The following THSD7B variants were observed in gnomAD, a reference collection of about 807,000 sequenced individuals.
THSD7B encodes thrombospondin type-1 domain-containing protein 7B.
A neutral mutation model predicts 213.6 loss-of-function variants in THSD7B; 138 were observed. The ratio of observed to expected loss-of-function variants is 0.65; its 90% CI spans 0.56 to 0.74. THSD7B has a LOEUF of 0.74. Ranked by LOEUF, THSD7B falls within the 30% of genes least tolerant of loss-of-function variation. The pLI, the probability that THSD7B is intolerant of heterozygous loss-of-function variation, is 0.00. For synonymous variants in THSD7B, 742 were observed against 687.0 expected (o/e 1.08, Z -1.25); for missense variants, 1,931 against 1,991.5 (o/e 0.97, Z 0.58).
intron 1 of THSD7B, among the ~76,000 whole-genome samples, chr2:136,838,786 A>G (rs1051445827): frequency 2.0e-5 from 3 of 152,054 alleles, no homozygotes; most frequent in Admixed American, 6.5e-5. Context: ...CCTGATTTGC[A>G]TGTGCTTTGG....
chr2:137,470,279 T>C (rs1386388109), intron 15 of THSD7B, among the ~76,000 whole-genome samples: 1 of 152,204 alleles, frequency 6.6e-6, no homozygotes, highest in East Asian at 1.9e-4. Flanking sequence ...GTTTAATCTC[T>C]TCACAGACCA....
rs375322872 is a variant in THSD7B, at chr2:137,631,047, T to C, written c.3799+10321T>C. ...AACGATCTGAGGGGAAGTTTTGAAA[T>C]GAGCTCTTACTTTATCTTCCAAGTG... is the stretch of plus-strand genomic sequence containing the variant. On this transcript the variant is annotated intron_variant, in intron 20 of 27. Transcript: ENST00000409968. Among the ~76,000 whole-genome samples, 82 of 152,346 alleles carry C rather than the reference T, an allele frequency of 5.4e-4. 2 individuals carry two copies. In the East Asian group the frequency reaches 0.01, roughly 19 times the overall value.
At chr2:136,848,001 G>C (rs1340982943) in intron 1 of THSD7B, among the ~76,000 whole-genome samples, 1 of 152,168 alleles carries the variant, frequency 6.6e-6, no homozygotes, top group Non-Finnish European at 1.5e-5. Context: ...CACTGTGGGG[G>C]TGGAAGGGAC....
intron 1 of THSD7B, among the ~76,000 whole-genome samples, chr2:136,819,568 C>T (rs1682536875): frequency 6.6e-6 from 1 of 152,150 alleles, no homozygotes; most frequent in Non-Finnish European, 1.5e-5. Flanking sequence ...CACTCACTCT[C>T]CCTGGGAAGA....
chr2:136,917,051 T>A (rs925221371), intron 2 of THSD7B, among the ~76,000 whole-genome samples: 1 of 152,234 alleles, frequency 6.6e-6, no homozygotes, highest in African/African-American at 2.4e-5. Flanking sequence ...ACTGGTTTTA[T>A]CAGTCTCATA....
rs866224698 is a variant in THSD7B, at chr2:137,472,455, G to A, written c.3138+21432G>A. On this transcript the variant is annotated intron_variant, in intron 15 of 27. Transcript: ENST00000409968. ...TATTTAAAATAGTTAAAACTAAATT[G>A]TACCTTTATGAAAAATAACTATGTA... Among the ~76,000 whole-genome samples the A allele has an allele frequency of 2.4e-4, 36 of 152,192 alleles. 1 individual carries two copies. In the Middle Eastern group the frequency reaches 0.021, roughly 87 times the overall value.
At chr2:137,285,820 A>G (rs1683159219) in intron 12 of THSD7B, among the ~76,000 whole-genome samples, 1 of 152,014 alleles carries the variant, frequency 6.6e-6, no homozygotes, top group Admixed American at 6.6e-5. Context: ...GAATTGATTT[A>G]TGGCTGGGCG....
intron 15 of THSD7B, among the ~76,000 whole-genome samples, chr2:137,503,335 G>T (rs1279965319): frequency 6.6e-6 from 1 of 152,038 alleles, no homozygotes. Flanking sequence ...TCACAAAAAA[G>T]TCTCCTTTTC....
chr2:136,985,747 G>A (rs1685661249), intron 2 of THSD7B, among the ~76,000 whole-genome samples: 1 of 152,184 alleles, frequency 6.6e-6, no homozygotes, highest in South Asian at 2.1e-4. Flanking sequence ...CCAGACCTGA[G>A]AATTATGTAG....
intron 7 of THSD7B, among the ~76,000 whole-genome samples, chr2:137,183,004 T>C (rs1014317037): frequency 1.3e-5 from 2 of 152,180 alleles, no homozygotes; most frequent in African/African-American, 4.8e-5. Context: ...ATTATAATTA[T>C]CTTTCATTTT....
chr2:137,676,618 A>T lies in THSD7B; in HGVS notation c.*13A>T, dbSNP rs1156309355. 1 of 1,553,338 alleles carries T rather than the reference A, an allele frequency of 6.4e-7. No homozygotes were observed. The highest frequency in any genetic ancestry group is 1.2e-5 in the South Asian group (1 of 82,020). ...CTTAGACATGTAATCTGAAAAAGAAATCCAAATGTAGACATCAACTGCCTT... is the reference window on the plus strand; with the variant it reads ...CTTAGACATGTAATCTGAAAAAGAATTCCAAATGTAGACATCAACTGCCTT... On this transcript the variant is annotated 3_prime_UTR_variant, in exon 28 of 28. Transcript: ENST00000409968.
At chr2:137,638,639 TG>T (rs1682879772) in intron 20 of THSD7B, among the ~76,000 whole-genome samples, 1 of 152,126 alleles carries the variant, frequency 6.6e-6, no homozygotes, top group Admixed American at 6.5e-5. Context: ...CAAGAAAATG[TG>T]GGGAAGTGTT....
chr2:137,580,208 TA>T (rs1488421478), intron 17 of THSD7B, among the ~76,000 whole-genome samples: 4 of 152,250 alleles, frequency 2.6e-5, no homozygotes, highest in South Asian at 2.1e-4. Flanking sequence ...CTAGATATGT[TA>T]AAAAAATATT....
intron 21 of THSD7B, among the ~76,000 whole-genome samples, chr2:137,645,556 A>G (rs1025517745): frequency 6.6e-6 from 1 of 152,042 alleles, no homozygotes; most frequent in Non-Finnish European, 1.5e-5. Flanking sequence ...AAGGTTGAAT[A>G]TGGACTGATC....
chr2:137,336,207 T>C (rs1684636613), intron 12 of THSD7B, among the ~76,000 whole-genome samples: 1 of 152,186 alleles, frequency 6.6e-6, no homozygotes, highest in South Asian at 2.1e-4. Flanking sequence ...CTATTTATAA[T>C]TTTGTATTTA....
At chr2:137,137,125 C>T (rs1679481431) in intron 5 of THSD7B, among the ~76,000 whole-genome samples, 1 of 152,118 alleles carries the variant, frequency 6.6e-6, no homozygotes, top group East Asian at 1.9e-4. Flanking sequence ...AACTGAAATC[C>T]TCATTCATAC....
At chr2:137,366,948 A>G (rs1171355918) in intron 12 of THSD7B, among the ~76,000 whole-genome samples, 1 of 152,294 alleles carries the variant, frequency 6.6e-6, no homozygotes, top group Non-Finnish European at 1.5e-5. Context: ...TTTAAGGAAT[A>G]TAGTACAAGG....
chr2:137,596,745 A>G (rs1681964986), intron 17 of THSD7B, among the ~76,000 whole-genome samples: 1 of 144,758 alleles, frequency 6.9e-6, no homozygotes, highest in Non-Finnish European at 1.5e-5. Flanking sequence ...TTTCTCTTGC[A>G]CCTCCTCCTT....
At chr2:137,325,138 C>CT (rs1684340895) in intron 12 of THSD7B, among the ~76,000 whole-genome samples, 1 of 151,884 alleles carries the variant, frequency 6.6e-6, no homozygotes, top group East Asian at 1.9e-4. Context: ...TGAATTCCAG[C>CT]TCCCTTCTCC....
Sources: gnomAD v4.1 joint callset for allele counts (sites outside exome capture counted in the v4.1 genomes callset) on GRCh38, gnomAD v4.1.1 for gene constraint, MANE v1.5 for transcripts, NCBI Gene and HGNC (gene_info 2026-07-23, HGNC 2026-07-21) for gene names.